The following HPSE2 variants were observed in gnomAD, a reference collection of about 807,000 sequenced individuals.
HPSE2 encodes inactive heparanase-2.
Under a neutral mutation model 60.5 loss-of-function variants are expected in HPSE2, and 38 were observed. The ratio of observed to expected loss-of-function variants is 0.63; its 90% CI spans 0.48 to 0.82. The LOEUF (loss-of-function observed/expected upper bound fraction) is 0.82, where lower values mean the gene tolerates loss of function less well. Among genes scored for constraint, HPSE2 ranks in the 40% least tolerant of loss-of-function variants. The pLI, the probability that HPSE2 is intolerant of heterozygous loss-of-function variation, is 0.00. For synonymous variants in HPSE2, 295 were observed against 293.2 expected, an observed-to-expected ratio of 1.01 and a Z score of -0.06; for missense variants, 713 against 740.4, an observed-to-expected ratio of 0.96 and a Z score of 0.43.
At chr10:98,875,210 A>G (rs989377974) in intron 3 of HPSE2, among the ~76,000 whole-genome samples, 3 of 151,922 alleles carry the variant, frequency 2.0e-5, no homozygotes, top group African/African-American at 7.3e-5. Flanking sequence ...AGATCCAAAA[A>G]CCCTCCAAAA....
chr10:99,196,743 A>C (rs959532625), intron 2 of HPSE2, among the ~76,000 whole-genome samples: 69 of 152,180 alleles, frequency 4.5e-4, no homozygotes, highest in South Asian at 2.1e-4. Context: ...CAGAAAAGGA[A>C]ATCCTTGTAC....
chr10:99,172,079 G>C (rs1847332942), intron 2 of HPSE2, among the ~76,000 whole-genome samples: 1 of 152,258 alleles, frequency 6.6e-6, no homozygotes, highest in South Asian at 2.1e-4. Context: ...GTGCAGGTTT[G>C]TTACATGGAT....
At chr10:99,203,250 G>A (rs1848635384) in intron 2 of HPSE2, among the ~76,000 whole-genome samples, 4 of 152,108 alleles carry the variant, frequency 2.6e-5, no homozygotes, top group Non-Finnish European at 1.5e-5. Flanking sequence ...GATAGCCCCA[G>A]TGACATGAGA....
chr10:98,977,226 T>C (rs569448416), intron 3 of HPSE2, among the ~76,000 whole-genome samples: 3 of 152,350 alleles, frequency 2.0e-5, no homozygotes, highest in Admixed American at 1.3e-4. Flanking sequence ...CTGTGTTTTA[T>C]GTATCTTTGT....
In HPSE2 at chr10:98,746,714, C is replaced by T. The variant is rs914686080; in HGVS notation, c.611-2658G>A. Among the ~76,000 whole-genome samples, 71 of 151,540 alleles carry T rather than the reference C, an allele frequency of 4.7e-4. 1 individual carries two copies. The highest frequency in any genetic ancestry group is 3.9e-4 in the Admixed American group (6 of 15,218). ...TAAATAGGACTTGCATTTACCATACCTCAGTAGTATTGATACAACAGAAAT... is the reference window on the plus strand; with the variant it reads ...TAAATAGGACTTGCATTTACCATACTTCAGTAGTATTGATACAACAGAAAT... On this transcript the variant is annotated intron_variant, in intron 3 of 11. Transcript: ENST00000370552.
At chr10:98,478,366 T>A (rs1941104860) in intron 11 of HPSE2, among the ~76,000 whole-genome samples, 1 of 151,980 alleles carries the variant, frequency 6.6e-6, no homozygotes, top group Admixed American at 6.6e-5. Context: ...TGATGACCAC[T>A]GAGAACACAG....
At chr10:98,515,525 G>T (rs1231693028) in intron 9 of HPSE2, among the ~76,000 whole-genome samples, 1 of 152,148 alleles carries the variant, frequency 6.6e-6, no homozygotes, top group Non-Finnish European at 1.5e-5. Context: ...ATTACAGTGT[G>T]CAGAATAAAA....
chr10:98,906,101 T>A (rs1953808786), intron 3 of HPSE2, among the ~76,000 whole-genome samples: 1 of 152,188 alleles, frequency 6.6e-6, no homozygotes, highest in Admixed American at 6.5e-5. Flanking sequence ...TCATCTCCAA[T>A]CTGAAAGGCC....
chr10:99,232,277 A>T, intron 2 of HPSE2, 71 bp downstream of exon 2: 1 of 1,498,870 alleles, frequency 6.7e-7, no homozygotes, highest in Non-Finnish European at 9.1e-7. Flanking sequence ...ACACACGAAC[A>T]CACAGATACA....
the HPSE2 span, among the ~76,000 whole-genome samples, chr10:99,268,720 TTAAA>T: frequency 6.6e-6 from 1 of 151,056 alleles, no homozygotes; most frequent in African/African-American, 2.4e-5. Context: ...GATTAATTAA[TTAAA>T]TAAATAATAA....
chr10:98,680,020 G>A (rs1267147437), intron 6 of HPSE2, among the ~76,000 whole-genome samples: 1 of 152,130 alleles, frequency 6.6e-6, no homozygotes, highest in East Asian at 1.9e-4. Context: ...TTTGAAAACT[G>A]ATTTTTAAAT....
chr10:98,805,252 T>C (rs1223791135), intron 3 of HPSE2, among the ~76,000 whole-genome samples: 3 of 152,154 alleles, frequency 2.0e-5, no homozygotes, highest in Non-Finnish European at 4.4e-5. Flanking sequence ...CTACTCAAGG[T>C]CATCGCCAAG....
intron 3 of HPSE2, among the ~76,000 whole-genome samples, chr10:99,117,330 G>A (rs1844735442): frequency 8.1e-6 from 1 of 123,078 alleles, no homozygotes; most frequent in Admixed American, 9.6e-5. Context: ...CAGAAGACAA[G>A]AAATAACCAA....
chr10:99,062,879 C>T (rs1235666396), intron 3 of HPSE2, among the ~76,000 whole-genome samples: 1 of 152,244 alleles, frequency 6.6e-6, no homozygotes, highest in Non-Finnish European at 1.5e-5. Flanking sequence ...TTTAGGCACA[C>T]TCTCCTTAAA....
intron 9 of HPSE2, among the ~76,000 whole-genome samples, chr10:98,539,872 T>A (rs1051464302): frequency 2.6e-5 from 4 of 151,660 alleles, no homozygotes; most frequent in African/African-American, 7.3e-5. Context: ...ACACCTTTCC[T>A]CCTTCTGTCT....
chr10:99,057,892 C>A (rs2135515938), intron 3 of HPSE2, among the ~76,000 whole-genome samples: 1 of 144,986 alleles, frequency 6.9e-6, no homozygotes, highest in East Asian at 2.0e-4. Flanking sequence ...TCTTACAAGA[C>A]AAGTGAACGC....
chr10:98,881,286 G>A (rs935284253), intron 3 of HPSE2, among the ~76,000 whole-genome samples: 12 of 152,022 alleles, frequency 7.9e-5, no homozygotes, highest in Admixed American at 3.3e-4. Context: ...GGTAGATCAA[G>A]TCCAGTCAAG....
At chr10:99,231,474 C>T (rs909955569) in intron 2 of HPSE2, among the ~76,000 whole-genome samples, 5 of 152,142 alleles carry the variant, frequency 3.3e-5, no homozygotes, top group Admixed American at 1.3e-4. Context: ...AAAGTACATC[C>T]CTCCACTTAA....
At chr10:98,705,275 C>A (rs1485450248) in intron 5 of HPSE2, among the ~76,000 whole-genome samples, 1 of 152,080 alleles carries the variant, frequency 6.6e-6, no homozygotes. Flanking sequence ...GGCGAAGCTG[C>A]GGAGAAATAG....
Sources: allele counts gnomAD v4.1 joint callset (sites outside exome capture counted in the v4.1 genomes callset), GRCh38; gene constraint gnomAD v4.1.1; transcripts MANE v1.5; gene names NCBI Gene and HGNC (gene_info 2026-07-23, HGNC 2026-07-21).